Variants in COL4A5 observed in about 807,000 individuals in gnomAD.
COL4A5 encodes collagen alpha-5(IV) chain.
Under a neutral mutation model 130.2 loss-of-function variants are expected in COL4A5, and 26 were observed. The ratio of observed to expected loss-of-function variants is 0.20; its 90% confidence interval spans 0.15 to 0.28. COL4A5 has a LOEUF of 0.28. COL4A5 is among the 10% of genes least tolerant of loss of function. The pLI is 1.00. For missense variants in COL4A5, 1,131 were observed against 1,344.3 expected (o/e 0.84, Z 2.48); for synonymous variants, 496 against 439.6 (o/e 1.13, Z -1.60).
At chrX:108,590,297 C>A (rs189445405) in intron 19 of COL4A5, among the ~76,000 whole-genome samples, 4 of 110,616 alleles carry the variant, frequency 3.6e-5, no homozygotes, top group African/African-American at 1.3e-4. Flanking sequence ...AGCAAACGTA[C>A]AAGAGAAAAA....
chrX:108,674,088 C>T, intron 42 of COL4A5, among the ~76,000 whole-genome samples: 1 of 110,017 alleles, frequency 9.1e-6, no homozygotes, highest in Non-Finnish European at 1.9e-5. Context: ...AGGAAAGCCT[C>T]CTGGTGAATT....
chrX:108,507,475 G>A (rs1339368094), intron 1 of COL4A5, among the ~76,000 whole-genome samples: 3 of 111,586 alleles, frequency 2.7e-5, no homozygotes, highest in Admixed American at 9.5e-5. Context: ...AAGTCCACAT[G>A]ATGATCTCAA....
At chrX:108,631,065 G>C (rs1603300189) in intron 36 of COL4A5, among the ~76,000 whole-genome samples, 1 of 111,791 alleles carries the variant, frequency 8.9e-6, no homozygotes, top group East Asian at 2.8e-4. Flanking sequence ...TAGCCTTGTA[G>C]TAGAGTTTGA....
intron 1 of COL4A5, among the ~76,000 whole-genome samples, chrX:108,461,754 C>T (rs1448464556): frequency 9.0e-6 from 1 of 110,839 alleles, no homozygotes; most frequent in Admixed American, 9.6e-5. Flanking sequence ...CCACTACCCC[C>T]GGCTAATTTT....
chrX:108,657,895 T>C (rs1464727252), intron 37 of COL4A5, among the ~76,000 whole-genome samples: 2 of 111,443 alleles, frequency 1.8e-5, no homozygotes, highest in African/African-American at 3.2e-5. Flanking sequence ...TTTTATAAAA[T>C]ATCACCTTAG....
At chrX:108,570,718 C>A (rs1244546824) in intron 6 of COL4A5, among the ~76,000 whole-genome samples, 2 of 111,474 alleles carry the variant, frequency 1.8e-5, no homozygotes, top group Non-Finnish European at 3.8e-5. Context: ...ATTGGACTCA[C>A]AAAGACACAC....
chrX:108,568,499 GTAGTAATAAATAGTGAGAC>G (rs1485397451), intron 4 of COL4A5, 111 bp from the exon 5 acceptor site: 2 of 500,844 alleles, frequency 4.0e-6, no homozygotes, highest in Non-Finnish European at 7.0e-6. Flanking sequence ...AGAACAATGA[GTAGTAATAAATAGTGAGAC>G]ACAATTTTTC....
intron 1 of COL4A5, among the ~76,000 whole-genome samples, chrX:108,449,770 G>A (rs948032050): frequency 3.6e-5 from 4 of 111,113 alleles, no homozygotes; most frequent in African/African-American, 1.3e-4. Flanking sequence ...TCTCTGGAGC[G>A]TCTTTTACAA....
intron 30 of COL4A5, among the ~76,000 whole-genome samples, chrX:108,616,694 T>G (rs777515516): frequency 9.0e-6 from 1 of 111,537 alleles, no homozygotes; most frequent in Non-Finnish European, 1.9e-5. Context: ...AATATGAATC[T>G]AAACAAAATA....
chrX:108,595,468 C>A (rs760625188), intron 21 of COL4A5, 41 bp from the exon 22 acceptor site: 26 of 1,126,375 alleles, frequency 2.3e-5, no homozygotes, highest in Non-Finnish European at 3.2e-5. Flanking sequence ...GGTATATGTA[C>A]CCCTTTCAGT....
intron 13 of COL4A5, among the ~76,000 whole-genome samples, chrX:108,580,041 ATTCAG>A (rs2066215917): frequency 9.0e-6 from 1 of 111,723 alleles, no homozygotes; most frequent in South Asian, 3.7e-4. Flanking sequence ...CTACATGAGT[ATTCAG>A]TTCAGTTTAA....
intron 1 of COL4A5, among the ~76,000 whole-genome samples, chrX:108,507,807 CA>C (rs1401031683): frequency 9.0e-6 from 1 of 111,338 alleles, no homozygotes; most frequent in Non-Finnish European, 1.9e-5. Flanking sequence ...GACTCCATCT[CA>C]AAATAAACAA....
rs113655816 is a variant in COL4A5, at chrX:108,665,233, T to C, written c.3374-274T>C. ...CAAGAGGAATGGATTTTTTAAGTTA[T>C]GGTATATTCATATAATGGAGTCCTA... On this transcript the variant is annotated intron_variant, in intron 37 of 52. Transcript: ENST00000328300. 0.03 allele frequency among the ~76,000 whole-genome samples: 3,354 copies of C among 112,056 alleles called. 121 individuals carry two copies. The highest frequency in any genetic ancestry group is 0.1 in the African/African-American group (3,184 of 30,758).
At chrX:108,460,360 C>T (rs947752333) in intron 1 of COL4A5, among the ~76,000 whole-genome samples, 4 of 111,492 alleles carry the variant, frequency 3.6e-5, no homozygotes, top group African/African-American at 1.3e-4. Context: ...AAATTAATCA[C>T]CCTAGGCCGT....
chrX:108,695,097 C>G, intron 51 of COL4A5, 170 bp from the exon 52 acceptor site: 1 of 677,900 alleles, frequency 1.5e-6, no homozygotes, highest in Non-Finnish European at 2.3e-6. Context: ...TTTTCATAAT[C>G]TGCCTATTAC....
At chrX:108,535,401 TA>T (rs1211738752) in intron 1 of COL4A5, among the ~76,000 whole-genome samples, 2 of 111,270 alleles carry the variant, frequency 1.8e-5, no homozygotes, top group East Asian at 2.8e-4. Context: ...CATCTTCCTT[TA>T]AAAAAATGAT....
chrX:108,575,100 C>T (rs1290551936), intron 9 of COL4A5, among the ~76,000 whole-genome samples: 1 of 110,902 alleles, frequency 9.0e-6, no homozygotes, highest in Admixed American at 9.6e-5. Context: ...ACAATTTTTT[C>T]ATTACAAAAA....
chrX:108,645,151 A>C (rs1442459654), intron 36 of COL4A5, among the ~76,000 whole-genome samples: 1 of 110,715 alleles, frequency 9.0e-6, no homozygotes, highest in African/African-American at 3.3e-5. Flanking sequence ...TTCCAAGGTC[A>C]CACCTCAAGG....
chrX:108,485,927 T>TA (rs2064940484), intron 1 of COL4A5, among the ~76,000 whole-genome samples: 1 of 111,352 alleles, frequency 9.0e-6, no homozygotes, highest in Non-Finnish European at 1.9e-5. Context: ...CAAGTTTATT[T>TA]AATGTCCCAG....
Sources: gnomAD v4.1 joint callset for allele counts (sites outside exome capture counted in the v4.1 genomes callset) on GRCh38, gnomAD v4.1.1 for gene constraint, MANE v1.5 for transcripts, NCBI Gene and HGNC (gene_info 2026-07-23, HGNC 2026-07-21) for gene names.